Variants in NME8 observed in about 807,000 individuals in gnomAD.
NME8 encodes the protein NME/NM23 family member 8, also known as protein NME8.
Under a neutral mutation model 82.3 loss-of-function variants are expected in NME8, and 72 were observed. The observed-to-expected ratio is 0.87, with a 90% CI of 0.72 to 1.06. The LOEUF (loss-of-function observed/expected upper bound fraction) is 1.06, where lower values mean the gene tolerates loss of function less well. NME8 is among the 50% of genes least tolerant of loss of function. The probability of loss-of-function intolerance (pLI) is 0.00; values close to 1 mark genes in which losing one functional copy is unlikely to be tolerated. For synonymous variants in NME8, 267 were observed against 228.5 expected (o/e 1.17, Z -1.52); for missense variants, 712 against 685.4 (o/e 1.04, Z -0.43).
rs748116097 is a variant in NME8, at chr7:37,850,445, C to G, written c.91+10C>G. The G allele has an allele frequency of 3.7e-6, 6 of 1,614,028 alleles. No homozygotes were observed. Among genetic ancestry groups the G allele is most frequent in the Non-Finnish European group, 5.1e-6 (6 of 1,179,912 alleles). On this transcript the variant is annotated intron_variant, in intron 4 of 17. Coordinates refer to ENST00000199447, the MANE Select transcript of NME8 (RefSeq NM_016616.5). ...AACAAAGGCTTAACAGGTATAAGGA[C>G]TCCCCGGCTGTCTGGCCACCTGGGG... is the stretch of plus-strand genomic sequence containing the variant.
intron 7 of NME8, among the ~76,000 whole-genome samples, chr7:37,863,178 A>G (rs1407227446): frequency 6.6e-6 from 1 of 152,170 alleles, no homozygotes; most frequent in African/African-American, 2.4e-5. Context: ...CATACTGCAC[A>G]TATGCATTAT....
chr7:37,892,198 T>G (rs1278482442), intron 15 of NME8, among the ~76,000 whole-genome samples: 1 of 152,016 alleles, frequency 6.6e-6, no homozygotes. Flanking sequence ...TTTACTAACA[T>G]ATGTCTGAGA....
At chr7:37,898,676 G>C (rs941669282) in intron 17 of NME8, among the ~76,000 whole-genome samples, 7 of 152,146 alleles carry the variant, frequency 4.6e-5, no homozygotes, top group African/African-American at 1.4e-4. Flanking sequence ...CAATTATAGA[G>C]AGAAAAAGTA....
At chr7:37,863,839 C>T (rs949958943) in intron 8 of NME8, among the ~76,000 whole-genome samples, 5 of 152,214 alleles carry the variant, frequency 3.3e-5, no homozygotes, top group African/African-American at 9.6e-5. Context: ...CACGCCTTCA[C>T]TAGATTATCT....
chr7:37,864,345 C>T lies in NME8; in HGVS notation c.455-3C>T, dbSNP rs778922099. ...TTCTGTCTTTTTCTAAATTTTTTTC[C>T]AGAGGAATTATACAGTATTGCTATT... On this transcript the variant is annotated splice_polypyrimidine_tract_variant and splice_region_variant and intron_variant, in intron 8 of 17. Transcript: ENST00000199447. 6.3e-7 allele frequency: 1 copy of T among 1,593,800 alleles called. No homozygotes were observed. Among genetic ancestry groups the T allele is most frequent in the South Asian group, 1.1e-5 (1 of 90,480 alleles).
chr7:37,873,370 A>AAAAAAAAAG (rs796807809), intron 11 of NME8, among the ~76,000 whole-genome samples: 11,047 of 145,902 alleles, frequency 0.076, 739 homozygotes, highest in South Asian at 0.18. Context: ...AAAAAAAAAA[A>AAAAAAAAAG]AAAAGAAAAG....
chr7:37,862,977 G>A (rs1438607831), intron 7 of NME8, among the ~76,000 whole-genome samples: 7 of 151,872 alleles, frequency 4.6e-5, no homozygotes, highest in Admixed American at 2.6e-4. Flanking sequence ...AAAATTAGCC[G>A]GGCATGGTGG....
chr7:37,882,643 G>GAGAA (rs1554365675), intron 12 of NME8, among the ~76,000 whole-genome samples: 1 of 49,418 alleles, frequency 2.0e-5, no homozygotes, highest in Non-Finnish European at 4.9e-5. Flanking sequence ...AAGAAAGAAA[G>GAGAA]AGAAAGAAAG....
chr7:37,867,347 C>T (rs369243094), intron 10 of NME8, among the ~76,000 whole-genome samples: 7 of 151,354 alleles, frequency 4.6e-5, no homozygotes, highest in South Asian at 2.1e-4. Context: ...ATGAGAGGCA[C>T]GTTTGCCTGA....
chr7:37,875,323 A>G (rs1784830448), intron 11 of NME8, among the ~76,000 whole-genome samples: 1 of 152,138 alleles, frequency 6.6e-6, no homozygotes, highest in Non-Finnish European at 1.5e-5. Flanking sequence ...ATAATTTTGT[A>G]TTAATGTAAT....
In NME8 at chr7:37,882,546, GGAAA is replaced by G. The variant is rs753903098; in HGVS notation, c.995-1706_995-1703del. ...AGGAAGGAGGGAGAGAGGGAGGAAG[GGAAA>G]GAAAGAAAGAAAGAAAGAAAGAAAG... On this transcript the variant is annotated intron_variant, in intron 12 of 17. Coordinates refer to ENST00000199447, the MANE Select transcript of NME8 (RefSeq NM_016616.5). Among the ~76,000 whole-genome samples the G allele has an allele frequency of 4.3e-3, 441 of 102,078 alleles. 2 individuals are homozygous for G. The highest frequency in any genetic ancestry group is 1.0e-2 in the African/African-American group (284 of 28,482). 67.0% of individuals were successfully genotyped at this position (102,078 alleles called of 152,430 possible). A position where few individuals can be genotyped will look rare whatever the true frequency, so the allele number is the denominator to read the frequency against.
intron 17 of NME8, among the ~76,000 whole-genome samples, chr7:37,899,369 G>T (rs376938386): frequency 6.6e-6 from 1 of 152,132 alleles, no homozygotes; most frequent in Non-Finnish European, 1.5e-5. Context: ...GAATGAGATC[G>T]TGTCCTTTGC....
rs182343197 is a variant in NME8, at chr7:37,883,997, A to G, written c.995-306A>G. On this transcript the variant is annotated intron_variant, in intron 12 of 17. Transcript: ENST00000199447. ...CACACACACACACACCCACACAATC[A>G]CTCACATTCACATGCATACACCCAA... Among the ~76,000 whole-genome samples, 160 of 151,088 alleles carry G rather than the reference A, an allele frequency of 1.1e-3. 2 individuals are homozygous for G. Among genetic ancestry groups the G allele is most frequent in the Non-Finnish European group, 1.6e-3 (107 of 67,564 alleles).
chr7:37,881,875 A>G (rs914529877), intron 12 of NME8, among the ~76,000 whole-genome samples: 5 of 152,136 alleles, frequency 3.3e-5, no homozygotes, highest in Admixed American at 6.5e-5. Flanking sequence ...TCATTGTGTG[A>G]GTTTTGGTAT....
intron 15 of NME8, among the ~76,000 whole-genome samples, chr7:37,892,186 G>A (rs1231055484): frequency 6.6e-6 from 1 of 151,828 alleles, no homozygotes; most frequent in African/African-American, 2.4e-5. Context: ...AAGTCTAGTA[G>A]TTTTACTAAC....
At chr7:37,893,325 T>C (rs1233083449) in intron 15 of NME8, among the ~76,000 whole-genome samples, 1 of 152,198 alleles carries the variant, frequency 6.6e-6, no homozygotes, top group African/African-American at 2.4e-5. Flanking sequence ...TCATTCTTCA[T>C]GGTGCAAAGG....
chr7:37,855,362 G>A (rs77287207), intron 5 of NME8, among the ~76,000 whole-genome samples: 6,157 of 152,208 alleles, frequency 0.04, 429 homozygotes, highest in African/African-American at 0.14. Flanking sequence ...TTCAAGGATT[G>A]GGGGTTAGCA....
intron 11 of NME8, among the ~76,000 whole-genome samples, chr7:37,872,891 C>T (rs938185282): frequency 1.3e-5 from 2 of 152,186 alleles, no homozygotes; most frequent in African/African-American, 4.8e-5. Flanking sequence ...CCACCCCACA[C>T]ACAAATACAG....
chr7:37,850,051 A>G (rs1405857573), intron 2 of NME8, among the ~76,000 whole-genome samples: 4 of 152,160 alleles, frequency 2.6e-5, no homozygotes, highest in African/African-American at 7.2e-5. Flanking sequence ...CCCTGATGTG[A>G]TTATTATGCA....
Sources: gnomAD v4.1 joint callset for allele counts (sites outside exome capture counted in the v4.1 genomes callset) on GRCh38, gnomAD v4.1.1 for gene constraint, MANE v1.5 for transcripts, NCBI Gene and HGNC (gene_info 2026-07-23, HGNC 2026-07-21) for gene names.